The following SMC2 variants were observed in gnomAD, a reference collection of about 807,000 sequenced individuals.
SMC2 encodes structural maintenance of chromosomes protein 2.
In SMC2, 41 loss-of-function variants were observed where a neutral mutation model predicts 142.6. The ratio of observed to expected loss-of-function variants is 0.29; its 90% CI spans 0.22 to 0.37. The LOEUF (loss-of-function observed/expected upper bound fraction) is 0.37. SMC2 is among the 10% of genes least tolerant of loss of function. The pLI, the probability that SMC2 is intolerant of heterozygous loss-of-function variation, is 1.00. For missense variants in SMC2, 1,265 were observed against 1,373.7 expected (o/e 0.92, Z 1.25); for synonymous variants, 463 against 457.5 (o/e 1.01, Z -0.15).
intron 13 of SMC2, among the ~76,000 whole-genome samples, chr9:104,115,694 C>CT (rs1833021579): frequency 6.6e-6 from 1 of 152,034 alleles, no homozygotes; most frequent in African/African-American, 2.4e-5. Flanking sequence ...CCATAGTTAC[C>CT]TTTTTTGTGT....
At chr9:104,122,199 AT>A (rs1357579089) in intron 16 of SMC2, among the ~76,000 whole-genome samples, 80 of 152,184 alleles carry the variant, frequency 5.3e-4, no homozygotes, top group Non-Finnish European at 4.4e-5. Flanking sequence ...GTTCAGTAGT[AT>A]TGGATCATTT....
At chr9:104,107,229 G>A (rs1831907132) in intron 9 of SMC2, among the ~76,000 whole-genome samples, 2 of 152,178 alleles carry the variant, frequency 1.3e-5, no homozygotes, top group Admixed American at 1.3e-4. Flanking sequence ...AAGTCACAGC[G>A]TCGCATGTAG....
At chr9:104,107,783 C>T (rs546493997) in intron 9 of SMC2, among the ~76,000 whole-genome samples, 28 of 152,346 alleles carry the variant, frequency 1.8e-4, no homozygotes, top group African/African-American at 6.7e-4. Context: ...TCTGACTAGC[C>T]AGACTAGGCG....
chr9:104,097,531 C>T (rs1429488169), intron 3 of SMC2, among the ~76,000 whole-genome samples: 2 of 121,466 alleles, frequency 1.6e-5, no homozygotes, highest in East Asian at 2.1e-4. Context: ...AAAAAAGAAG[C>T]GTAGGCCACG....
chr9:104,115,053 C>CTCTT (rs1321623483), intron 13 of SMC2, among the ~76,000 whole-genome samples: 1 of 152,004 alleles, frequency 6.6e-6, no homozygotes, highest in African/African-American at 2.4e-5. Flanking sequence ...CTTTTGGGAT[C>CTCTT]TCTTTGCTGT....
chr9:104,097,776 A>G (rs112881018), intron 3 of SMC2, among the ~76,000 whole-genome samples: 2,520 of 152,342 alleles, frequency 0.017, 31 homozygotes, highest in Middle Eastern at 0.037. Flanking sequence ...ACTAACATTT[A>G]TTCAATATTT....
intron 14 of SMC2, among the ~76,000 whole-genome samples, chr9:104,117,057 A>G (rs1355158577): frequency 6.6e-6 from 1 of 152,192 alleles, no homozygotes; most frequent in African/African-American, 2.4e-5. Context: ...AGTTACATTC[A>G]GAAGATTTCA....
chr9:104,102,443 G>C lies in SMC2; in HGVS notation c.890G>C (p.Arg297Pro), dbSNP rs1258350155. The part of the protein sequence containing the change: ...RKDKETGGIL[R>P]SLEDALAEAQ... ...TTATAGGAAACTGGAGGTATACTTC[G>C]ATCTTTAGAAGATGCTCTTGCAGAG... The change falls in exon 9 of 25, where the codon CGA becomes CCA. Residue 297 changes from arginine (R) to proline (P), a missense_variant. By Grantham distance (103) the Arg-to-Pro change is moderately radical. This residue lies in a region of SMC2 where 898 missense variants were observed against 904.2 expected (regional missense o/e 0.99). Coordinates refer to ENST00000374793, the MANE Select transcript of SMC2 (RefSeq NM_006444.3). 1 of 1,608,136 alleles carries C rather than the reference G, an allele frequency of 6.2e-7. No homozygotes were observed. The highest frequency in any genetic ancestry group is 8.5e-7 in the Non-Finnish European group (1 of 1,177,988).
At chr9:104,097,064 A>AT (rs202221269) in intron 3 of SMC2, among the ~76,000 whole-genome samples, 4,086 of 132,100 alleles carry the variant, frequency 0.031, 188 homozygotes, top group African/African-American at 0.11. Flanking sequence ...AAACCACTCA[A>AT]TTTTTTTTTA....
chr9:104,106,236 A>G (rs1459281578), intron 9 of SMC2, among the ~76,000 whole-genome samples: 1 of 152,182 alleles, frequency 6.6e-6, no homozygotes, highest in Non-Finnish European at 1.5e-5. Context: ...GCAGTGAAGG[A>G]TGTTCCTTGG....
chr9:104,099,523 AC>A (rs929121646), intron 4 of SMC2, 120 bp from the exon 5 acceptor site: 2 of 638,760 alleles, frequency 3.1e-6, no homozygotes, highest in South Asian at 2.0e-5. Context: ...TAGAGGAAAG[AC>A]CCCCCCAAAG....
intron 24 of SMC2, among the ~76,000 whole-genome samples, chr9:104,138,727 T>G (rs1448184355): frequency 6.6e-6 from 1 of 152,212 alleles, no homozygotes; most frequent in Non-Finnish European, 1.5e-5. Flanking sequence ...ATTATAGCAG[T>G]GTTTTGGCAA....
At chr9:104,099,219 A>G (rs888105467) in intron 4 of SMC2, among the ~76,000 whole-genome samples, 4 of 152,034 alleles carry the variant, frequency 2.6e-5, no homozygotes, top group Non-Finnish European at 2.9e-5. Flanking sequence ...AAAATATTGT[A>G]TTTTGTTTGA....
chr9:104,119,018 G>C (rs1227082262), intron 15 of SMC2, among the ~76,000 whole-genome samples: 3 of 152,142 alleles, frequency 2.0e-5, no homozygotes, highest in Non-Finnish European at 4.4e-5. Flanking sequence ...GCAGAGCTTA[G>C]AATCTGAATC....
chr9:104,123,030 A>G, intron 16 of SMC2, 78 bp from the exon 17 acceptor site: 2 of 1,424,780 alleles, frequency 1.4e-6, no homozygotes, highest in Non-Finnish European at 1.9e-6. Context: ...TATTTAAGGT[A>G]AGAATCTGAA....
chr9:104,124,115 C>T (rs577884959), intron 17 of SMC2, among the ~76,000 whole-genome samples: 2 of 152,200 alleles, frequency 1.3e-5, no homozygotes, highest in East Asian at 1.9e-4. Context: ...TTTTTTGAGA[C>T]GGAGTCTCTC....
intron 9 of SMC2, among the ~76,000 whole-genome samples, chr9:104,109,786 A>G (rs1464484000): frequency 3.9e-5 from 6 of 152,192 alleles, no homozygotes; most frequent in Non-Finnish European, 7.3e-5. Context: ...ATAAATGCAC[A>G]AAATATATTT....
chr9:104,127,355 A>T lies in SMC2; in HGVS notation c.2665A>T (p.Ile889Phe). 1 of 1,613,914 alleles carries T rather than the reference A, an allele frequency of 6.2e-7. No individual in the cohort carries two copies. The highest frequency in any genetic ancestry group is 1.7e-4 in the Middle Eastern group (1 of 6,060). ...GGTGATAACAGCCCAAGACACTGTA[A>T]TTAAAGCTAAATATGCAGAAGTGGC... ...KEVITAQDTVIKAKYAEVAKH... is the reference protein window; with the variant it reads ...KEVITAQDTVFKAKYAEVAKH... Residue 889 changes from isoleucine (I) to phenylalanine (F), a missense_variant, in exon 20 of 25, where the codon ATT (isoleucine) becomes TTT (phenylalanine). Transcript: ENST00000374793.
At chr9:104,088,475 G>T in the SMC2 span, among the ~76,000 whole-genome samples, 1 of 152,068 alleles carries the variant, frequency 6.6e-6, no homozygotes, top group Non-Finnish European at 1.5e-5. Flanking sequence ...AGTAACTCGA[G>T]AAATGGATCA....
Sources: gnomAD v4.1 joint callset for allele counts (sites outside exome capture counted in the v4.1 genomes callset) on GRCh38, gnomAD v4.1.1 for gene constraint, gnomAD v4.1.1 regional missense constraint, MANE v1.5 for transcripts, NCBI Gene and HGNC (gene_info 2026-07-23, HGNC 2026-07-21) for gene names.